ASH1L: variants seen among roughly 807,000 people sequenced by gnomAD.
ASH1L encodes histone-lysine N-methyltransferase ASH1L.
ASH1L carries 23 observed loss-of-function variants against 269.0 expected under a neutral mutation model. That is an observed-to-expected ratio of 0.09 (90% confidence interval 0.06 to 0.12). The LOEUF is 0.12. Among genes scored for constraint, ASH1L ranks in the 10% least tolerant of loss-of-function variants. ASH1L has a pLI of 1.00. For synonymous variants in ASH1L, 1,187 were observed against 1,253.5 expected (o/e 0.95, Z 1.12); for missense variants, 2,912 against 3,567.8 (o/e 0.82, Z 4.68).
Position 155,539,686 on chromosome 1 carries a change from G to A in ASH1L, c.-99-18068C>T, listed in dbSNP as rs149487109. On this transcript the variant is annotated intron_variant, in intron 1 of 27. Coordinates refer to ENST00000392403, the MANE Select transcript of ASH1L (RefSeq NM_018489.3). ...TGGTCTCGAACTCCTGGGCTCAAACGATCTTCCAGCCTCGGCCTCCCAAAG... is the reference window on the plus strand; with the variant it reads ...TGGTCTCGAACTCCTGGGCTCAAACAATCTTCCAGCCTCGGCCTCCCAAAG... 2.6e-5 allele frequency among the ~76,000 whole-genome samples: 4 copies of A among 151,908 alleles called. No individual in the cohort carries two copies. In the South Asian group the frequency reaches 6.2e-4, roughly 24 times the overall value.
At chr1:155,484,545 T>C (rs1293683319) in intron 2 of ASH1L, among the ~76,000 whole-genome samples, 4 of 151,944 alleles carry the variant, frequency 2.6e-5, no homozygotes, top group African/African-American at 9.7e-5. Context: ...GTTATATAAG[T>C]ATATGAAAAG....
intron 2 of ASH1L, among the ~76,000 whole-genome samples, chr1:155,489,152 T>C (rs1666566466): frequency 6.6e-6 from 1 of 152,180 alleles, no homozygotes; most frequent in African/African-American, 2.4e-5. Context: ...CTACTGACTG[T>C]AATTAAATAG....
intron 1 of ASH1L, among the ~76,000 whole-genome samples, chr1:155,523,699 C>T (rs1201256876): frequency 5.3e-5 from 8 of 152,044 alleles, no homozygotes; most frequent in East Asian, 1.9e-4. Context: ...TGTCGAAACC[C>T]GTCTCTACTA....
In ASH1L at chr1:155,355,335, C is replaced by T. The variant is rs1024945564; in HGVS notation, c.7056-705G>A. Among the ~76,000 whole-genome samples, 3 of 152,186 alleles carry T rather than the reference C, an allele frequency of 2.0e-5. No homozygotes were observed. In the South Asian group the frequency reaches 6.2e-4, roughly 32 times the overall value. ...CAAAGTGCTGGGATTACAGTGGTGGCGTGAGCCACCGTGCCTGGCCCTGGT... is the reference window on the plus strand; with the variant it reads ...CAAAGTGCTGGGATTACAGTGGTGGTGTGAGCCACCGTGCCTGGCCCTGGT... On this transcript the variant is annotated intron_variant, in intron 15 of 27. Coordinates refer to ENST00000392403, the MANE Select transcript of ASH1L (RefSeq NM_018489.3).
intron 7 of ASH1L, among the ~76,000 whole-genome samples, chr1:155,392,912 T>C (rs1010720337): frequency 2.4e-4 from 37 of 151,896 alleles, no homozygotes; most frequent in African/African-American, 8.4e-4. Context: ...GATCTTGAAC[T>C]CCTGGATTCA....
intron 2 of ASH1L, among the ~76,000 whole-genome samples, chr1:155,502,299 T>G (rs891285077): frequency 1.3e-5 from 2 of 152,006 alleles, no homozygotes; most frequent in African/African-American, 4.8e-5. Flanking sequence ...CTCGATCTCT[T>G]GATCTTGTGA....
chr1:155,358,172 G>C lies in ASH1L; in HGVS notation c.6796-423C>G, dbSNP rs569567820. ...GTATAAATCAAGAAATTTGCATATA[G>C]GGGAAAACAACTGATTGAGAGTATA... On this transcript the variant is annotated intron_variant, in intron 13 of 27. Coordinates refer to ENST00000392403, the MANE Select transcript of ASH1L (RefSeq NM_018489.3). Among the ~76,000 whole-genome samples the C allele has an allele frequency of 5.3e-5, 8 of 152,130 alleles. No individual in the cohort carries two copies. The South Asian group carries it at 1.5e-3, about 28-fold the overall frequency.
intron 5 of ASH1L, among the ~76,000 whole-genome samples, chr1:155,421,400 T>C (rs1660670736): frequency 7.3e-6 from 1 of 136,552 alleles, no homozygotes; most frequent in East Asian, 2.2e-4. Context: ...AGGCCAGGCA[T>C]GGTGGCTCAC....
rs200206045 is a variant in ASH1L, at chr1:155,354,564, C to T, written c.7122G>A (p.Glu2374=). ...RNWEKIRQKQ[E]EVKHTSDNIH... The stretch of plus-strand genomic sequence containing the variant: ...TATTATCACTGGTGTGCTTTACTTC[C>T]TCCTGTTTTTGACGAATCTTCTCCC... The change falls in exon 16 of 28, where the codon GAG becomes GAA. Residue 2374 remains glutamate, a synonymous_variant. Coordinates refer to ENST00000392403, the MANE Select transcript of ASH1L (RefSeq NM_018489.3). 1.4e-5 allele frequency: 22 copies of T among 1,613,964 alleles called. No homozygotes were observed. In the East Asian group the frequency reaches 4.7e-4, roughly 34 times the overall value.
In ASH1L at chr1:155,425,271, G is replaced by A. The variant is rs1203353954; in HGVS notation, c.5829-9348C>T. On this transcript the variant is annotated intron_variant, in intron 5 of 27. Transcript: ENST00000392403. The stretch of plus-strand genomic sequence containing the variant: ...ATTACAGGCATGGGCCACCACGCCC[G>A]GCCTAGTTTTTTTTTTTTTTTTTTG... 3.4e-5 allele frequency among the ~76,000 whole-genome samples: 5 copies of A among 147,612 alleles called. No homozygotes were observed. The East Asian group carries it at 8.1e-4, about 24-fold the overall frequency.
In ASH1L at chr1:155,343,286, C is replaced by A. The variant is rs1402158562; in HGVS notation, c.8293+28G>T. The A allele has an allele frequency of 1.3e-6, 2 of 1,594,086 alleles. No homozygotes were observed. Among genetic ancestry groups the A allele is most frequent in the Admixed American group, 3.5e-5 (2 of 57,290 alleles). ...GTGAGCCACTGCACTTGGCCGAGGT[C>A]ATTTTTTAACTAGCCCAGATCACTT... On this transcript the variant is annotated intron_variant, in intron 24 of 27. Transcript: ENST00000392403. The surrounding 1 kb of genome is among the most constrained non-coding windows in gnomAD (Gnocchi z 6.1).
chr1:155,457,633 C>T (rs1663958257), intron 4 of ASH1L, among the ~76,000 whole-genome samples: 1 of 152,168 alleles, frequency 6.6e-6, no homozygotes, highest in Non-Finnish European at 1.5e-5. Context: ...TGCTCTGTTA[C>T]AGAATTTAAT....
intron 7 of ASH1L, among the ~76,000 whole-genome samples, chr1:155,387,162 T>C (rs1657506629): frequency 6.6e-6 from 1 of 152,046 alleles, no homozygotes; most frequent in African/African-American, 2.4e-5. Flanking sequence ...TTGTTAGAGA[T>C]GGGATTTTGC....
rs375895779 is a variant in ASH1L at position 155,481,263 on chromosome 1, C to A, written c.1607G>T (p.Gly536Val). ...TTTAGCGGTAGATACATCAGAAGCACCTCCCATTTTAAAGTCCGGAGAAGT... is the reference window on the plus strand; with the variant it reads ...TTTAGCGGTAGATACATCAGAAGCAACTCCCATTTTAAAGTCCGGAGAAGT... Reference protein sequence around the residue: ...YCTSPDFKMGGASDVSTAKSP... With the variant: ...YCTSPDFKMGVASDVSTAKSP... The change falls in exon 3 of 28, where the codon GGT becomes GTT. Residue 536 changes from glycine (G) to valine (V), a missense_variant. Physicochemically the swap from Gly to Val is moderately radical, Grantham distance 109. This residue lies in a region of ASH1L where 715 missense variants were observed against 721.0 expected (regional missense o/e 0.99). Coordinates refer to ENST00000392403, the MANE Select transcript of ASH1L (RefSeq NM_018489.3). 1.7e-5 allele frequency: 28 copies of A among 1,613,964 alleles called. No individual in the cohort carries two copies. The highest frequency in any genetic ancestry group is 2.2e-5 in the Non-Finnish European group (26 of 1,179,984).
intron 1 of ASH1L, among the ~76,000 whole-genome samples, chr1:155,535,859 G>A (rs746953026): frequency 5.3e-5 from 8 of 151,898 alleles, no homozygotes; most frequent in Non-Finnish European, 1.0e-4. Context: ...TTAGCCAGGC[G>A]TGGTGGCGCA....
chr1:155,549,361 G>C (rs1298791355), intron 1 of ASH1L, among the ~76,000 whole-genome samples: 1 of 152,078 alleles, frequency 6.6e-6, no homozygotes, highest in Non-Finnish European at 1.5e-5. Flanking sequence ...TTTTTGGCCA[G>C]ACACAGTGGC....
intron 12 of ASH1L, among the ~76,000 whole-genome samples, chr1:155,362,334 T>C (rs73008931): frequency 6.6e-6 from 1 of 151,856 alleles, no homozygotes; most frequent in African/African-American, 2.4e-5. Context: ...GTGCTTGACT[T>C]TGTTTTAGGT....
intron 2 of ASH1L, among the ~76,000 whole-genome samples, chr1:155,501,492 C>T (rs1016015016): frequency 2.0e-5 from 3 of 151,842 alleles, no homozygotes; most frequent in African/African-American, 7.3e-5. Context: ...TACTCCATCC[C>T]TCCAAGTAGC....
At chr1:155,510,550 GCTA>G (rs1668102606) in intron 2 of ASH1L, among the ~76,000 whole-genome samples, 1 of 151,970 alleles carries the variant, frequency 6.6e-6, no homozygotes. Flanking sequence ...GGTACAGTGT[GCTA>G]CTATTTACAT....
Sources: gnomAD v4.1 joint callset for allele counts (sites outside exome capture counted in the v4.1 genomes callset) on GRCh38, gnomAD v4.1.1 for gene constraint, gnomAD v4.1.1 regional missense constraint, Gnocchi (gnomAD v3.1) non-coding constraint, MANE v1.5 for transcripts, NCBI Gene and HGNC (gene_info 2026-07-23, HGNC 2026-07-21) for gene names.